The following ACOT9 variants were observed in gnomAD, a reference collection of about 807,000 sequenced individuals.
The protein encoded by ACOT9 is acyl-CoA thioesterase 9.
Under a neutral mutation model 39.7 loss-of-function variants are expected in ACOT9, and 34 were observed. The ratio of observed to expected loss-of-function variants is 0.86; its 90% CI spans 0.65 to 1.14. The LOEUF (loss-of-function observed/expected upper bound fraction) is 1.14. Among genes scored for constraint, ACOT9 ranks in the 50% most tolerant of loss-of-function variants. The pLI, the probability that ACOT9 is intolerant of heterozygous loss-of-function variation, is 0.00. For synonymous variants in ACOT9, 110 were observed against 120.5 expected, an observed-to-expected ratio of 0.91 and a Z score of 0.57; for missense variants, 313 against 344.1, an observed-to-expected ratio of 0.91 and a Z score of 0.71.
chrX:23,730,425 T>A, intron 6 of ACOT9, 102 bp downstream of exon 6: 1 of 669,124 alleles, frequency 1.5e-6, no homozygotes, highest in Admixed American at 2.8e-5. Context: ...CTTTAGAATA[T>A]CATCATCTGT....
At chrX:23,717,484 T>C (rs1286955073) in intron 8 of ACOT9, among the ~76,000 whole-genome samples, 1 of 111,493 alleles carries the variant, frequency 9.0e-6, no homozygotes, top group Admixed American at 9.7e-5. Flanking sequence ...CAAGAGGCAG[T>C]GAGGACTTGA....
chrX:23,732,320 A>T (rs1005975605), intron 4 of ACOT9, among the ~76,000 whole-genome samples: 1 of 112,661 alleles, frequency 8.9e-6, no homozygotes, highest in Admixed American at 9.5e-5. Context: ...TGTCAATTTG[A>T]TTACATGAGA....
chrX:23,719,974 A>G (rs1929247162), intron 8 of ACOT9, among the ~76,000 whole-genome samples: 1 of 109,279 alleles, frequency 9.2e-6, no homozygotes, highest in Non-Finnish European at 1.9e-5. Flanking sequence ...AGCTGGGATT[A>G]CAGGCACCCG....
Position 23,742,465 on chromosome X carries a change from T to C in ACOT9, c.20+660A>G, listed in dbSNP as rs73468549. Among the ~76,000 whole-genome samples, 305 of 110,810 alleles carry C rather than the reference T, an allele frequency of 2.8e-3. 2 individuals carry two copies. The highest frequency in any genetic ancestry group is 9.2e-3 in the African/African-American group (281 of 30,420). On this transcript the variant is annotated intron_variant, in intron 1 of 15. Coordinates refer to ENST00000379303, the MANE Select transcript of ACOT9 (RefSeq NM_001037171.2). ...GGAGAGCTAGACACGCTCTGGAGTC[T>C]AAGGCCCTCAGGCCTTAACTGTGCC...
chrX:23,707,083 G>C (rs1928720052), intron 10 of ACOT9: 1 of 129,584 alleles, frequency 7.7e-6, no homozygotes. Context: ...GATTGCTTGA[G>C]TCCAGGAGTT....
At chrX:23,736,300 T>C (rs1443098775) in intron 1 of ACOT9, among the ~76,000 whole-genome samples, 1 of 112,426 alleles carries the variant, frequency 8.9e-6, no homozygotes, top group Non-Finnish European at 1.9e-5. Flanking sequence ...TTATTGGTCT[T>C]TCTATTTTAT....
intron 3 of ACOT9, among the ~76,000 whole-genome samples, chrX:23,733,489 T>A (rs1327684143): frequency 8.9e-6 from 1 of 112,099 alleles, no homozygotes; most frequent in African/African-American, 3.2e-5. Context: ...CAAAAAAGGA[T>A]AACTTCAATT....
At chrX:23,739,799 A>G (rs1198108776) in intron 1 of ACOT9, among the ~76,000 whole-genome samples, 1 of 109,740 alleles carries the variant, frequency 9.1e-6, no homozygotes. Context: ...TCTGTCTCCA[A>G]AAAAAAAGGA....
chrX:23,726,064 G>A (rs1477047733), intron 6 of ACOT9, among the ~76,000 whole-genome samples: 4 of 109,413 alleles, frequency 3.7e-5, no homozygotes, highest in Non-Finnish European at 7.6e-5. Context: ...GCCGGGCGTG[G>A]TGGTGTGTGC....
At chrX:23,716,978 C>T (rs756573772) in intron 8 of ACOT9, among the ~76,000 whole-genome samples, 8 of 111,787 alleles carry the variant, frequency 7.2e-5, no homozygotes, top group East Asian at 2.8e-4. Flanking sequence ...CCTCAGCCTC[C>T]GCAGTAGCTG....
intron 6 of ACOT9, among the ~76,000 whole-genome samples, chrX:23,726,648 G>A (rs1401429996): frequency 1.0e-5 from 1 of 99,127 alleles, no homozygotes; most frequent in South Asian, 5.0e-4. Flanking sequence ...GTGTTATAAG[G>A]AAAGAGGATT....
At chrX:23,718,597 AT>A (rs901731043) in intron 8 of ACOT9, among the ~76,000 whole-genome samples, 3 of 111,979 alleles carry the variant, frequency 2.7e-5, no homozygotes, top group African/African-American at 9.7e-5. Context: ...AACCAAGAAT[AT>A]TTTTTAAAAG....
chrX:23,710,238 T>G (rs1459674463), intron 9 of ACOT9, among the ~76,000 whole-genome samples: 1 of 112,127 alleles, frequency 8.9e-6, no homozygotes, highest in Admixed American at 9.6e-5. Flanking sequence ...CTCTGTCCAC[T>G]AAAAAGGCCT....
intron 8 of ACOT9, among the ~76,000 whole-genome samples, chrX:23,716,790 G>C (rs188836323): frequency 6.3e-5 from 7 of 110,794 alleles, no homozygotes; most frequent in African/African-American, 2.3e-4. Flanking sequence ...TGCCTCAAGC[G>C]ATCCTCCCAC....
intron 8 of ACOT9, among the ~76,000 whole-genome samples, chrX:23,721,521 C>T (rs1223282133): frequency 8.9e-6 from 1 of 111,811 alleles, no homozygotes; most frequent in Non-Finnish European, 1.9e-5. Flanking sequence ...AATCTACAGA[C>T]ACAGAGGGCC....
At position 23,743,190 on chromosome X, in the gene ACOT9, C is replaced by T; in HGVS notation, c.-46G>A. On this transcript the variant is annotated 5_prime_UTR_variant, in exon 1 of 16. Coordinates refer to ENST00000379303, the MANE Select transcript of ACOT9 (RefSeq NM_001037171.2). ...GCGATGGAGAACCGGGCCCCGCGCG[C>T]TAGTCGGCGGAGGGAAACTGAGGCG... 8.7e-7 allele frequency: 1 copy of T among 1,144,369 alleles called. No individual in the cohort carries two copies. Among genetic ancestry groups the T allele is most frequent in the Non-Finnish European group, 1.2e-6 (1 of 859,792 alleles). 94.3% of individuals were successfully genotyped at this position (1,144,369 alleles called of 1,213,427 possible).
Position 23,707,921 on chromosome X carries a change from A to G in ACOT9, c.686T>C (p.Ile229Thr). 8.3e-7 allele frequency: 1 copy of G among 1,204,322 alleles called. No homozygotes were observed. The highest frequency in any genetic ancestry group is 1.7e-5 in the African/African-American group (1 of 57,502). Reference protein sequence around the residue: ...NKGPAFVNPLIPESPEEEELF... With the variant: ...NKGPAFVNPLTPESPEEEELF... ...CTCCTCTTCCTCTGGGCTTTCAGGG[A>G]TGAGTGGATTTACAAATGCCGGCCT... The change falls in exon 10 of 16, where the codon ATC becomes ACC. Residue 229 changes from isoleucine to threonine, a missense_variant. Transcript: ENST00000379303.
chrX:23,742,258 T>G (rs5925901), intron 1 of ACOT9, among the ~76,000 whole-genome samples: 1,749 of 80,150 alleles, frequency 0.022, 7 homozygotes, highest in African/African-American at 0.037. Flanking sequence ...GAGAGAGAGA[T>G]ATCCAGGACC....
chrX:23,735,764 G>A, intron 2 of ACOT9, 155 bp downstream of exon 2: 1 of 406,206 alleles, frequency 2.5e-6, no homozygotes, highest in Non-Finnish European at 4.2e-6. Flanking sequence ...TTAATATTAT[G>A]CAGCTATCCT....
Sources: allele counts gnomAD v4.1 joint callset (sites outside exome capture counted in the v4.1 genomes callset), GRCh38; gene constraint gnomAD v4.1.1; transcripts MANE v1.5; gene names NCBI Gene and HGNC (gene_info 2026-07-23, HGNC 2026-07-21).